The following TMEM108 variants were observed in gnomAD, a reference collection of about 807,000 sequenced individuals.
TMEM108 encodes cancer/testis antigen 124.
TMEM108 carries 12 observed loss-of-function variants against 35.1 expected under a neutral mutation model. The observed-to-expected ratio is 0.34, with a 90% CI of 0.22 to 0.55. The LOEUF (loss-of-function observed/expected upper bound fraction) is 0.55. TMEM108 is among the 20% of genes least tolerant of loss of function. The pLI, the probability that TMEM108 is intolerant of heterozygous loss-of-function variation, is 0.89. For synonymous variants in TMEM108, 287 were observed against 308.6 expected, an observed-to-expected ratio of 0.93 and a Z score of 0.73; for missense variants, 680 against 753.3, an observed-to-expected ratio of 0.90 and a Z score of 1.14.
In TMEM108 at chr3:133,130,159, T is replaced by A. The variant is rs1026996065; in HGVS notation, c.-47+84139T>A. ...TGCTATCATTTTGGTTTTTAAGAAA[T>A]CCTGTTGTTTGGGCTTGTGGTTCTG... is the stretch of plus-strand genomic sequence containing the variant. On this transcript the variant is annotated intron_variant, in intron 2 of 5. Transcript: ENST00000321871. 1.5e-4 allele frequency among the ~76,000 whole-genome samples: 23 copies of A among 152,066 alleles called. 1 individual carries two copies. The highest frequency in any genetic ancestry group is 2.9e-5 in the Non-Finnish European group (2 of 68,036).
chr3:133,318,924 A>AAAAAAAC (rs779043378), intron 3 of TMEM108, among the ~76,000 whole-genome samples: 1 of 151,680 alleles, frequency 6.6e-6, no homozygotes, highest in Non-Finnish European at 1.5e-5. Context: ...GATAGGCAAA[A>AAAAAAAC]AAAAAAACTC....
intron 2 of TMEM108, among the ~76,000 whole-genome samples, chr3:133,158,336 C>T (rs752809918): frequency 6.6e-5 from 10 of 151,888 alleles, no homozygotes; most frequent in Non-Finnish European, 1.2e-4. Flanking sequence ...GGCATGGTGG[C>T]ATGTGCCTGT....
At chr3:133,386,188 A>G (rs1055619454) in intron 4 of TMEM108, among the ~76,000 whole-genome samples, 1 of 152,190 alleles carries the variant, frequency 6.6e-6, no homozygotes, top group African/African-American at 2.4e-5. Context: ...CATGGCTGCA[A>G]CCTCGAAGAC....
At chr3:133,253,068 T>C (rs72976171) in intron 3 of TMEM108, among the ~76,000 whole-genome samples, 3,650 of 152,246 alleles carry the variant, frequency 0.024, 162 homozygotes, top group African/African-American at 0.082. Flanking sequence ...TACATGCAAA[T>C]ACAATGGCAT....
At chr3:133,191,570 C>T (rs569006052) in intron 2 of TMEM108, among the ~76,000 whole-genome samples, 1 of 152,150 alleles carries the variant, frequency 6.6e-6, no homozygotes, top group Admixed American at 6.5e-5. Flanking sequence ...CTGAGACCCA[C>T]GCAGATGATA....
At chr3:133,238,382 G>C (rs1946268780) in intron 3 of TMEM108, among the ~76,000 whole-genome samples, 2 of 152,146 alleles carry the variant, frequency 1.3e-5, no homozygotes, top group South Asian at 2.1e-4. Context: ...GATGCTAGTA[G>C]TTTTAAGAGC....
chr3:133,319,028 A>G (rs1429195639), intron 3 of TMEM108, among the ~76,000 whole-genome samples: 1 of 151,718 alleles, frequency 6.6e-6, no homozygotes. Context: ...AGTGGGAGAG[A>G]GATTGGCCTC....
At chr3:133,370,149 T>C (rs1190799615) in intron 3 of TMEM108, among the ~76,000 whole-genome samples, 1 of 149,888 alleles carries the variant, frequency 6.7e-6, no homozygotes, top group East Asian at 1.9e-4. Context: ...GACTCCCTTT[T>C]TTTTTTTTTT....
At chr3:133,136,195 A>G (rs938870221) in intron 2 of TMEM108, among the ~76,000 whole-genome samples, 5 of 152,086 alleles carry the variant, frequency 3.3e-5, no homozygotes, top group Non-Finnish European at 5.9e-5. Context: ...TGTTTTGCAA[A>G]ATTATTGCTT....
chr3:133,175,069 G>A (rs1945196303), intron 2 of TMEM108, among the ~76,000 whole-genome samples: 1 of 152,128 alleles, frequency 6.6e-6, no homozygotes, highest in Non-Finnish European at 1.5e-5. Flanking sequence ...TGGAAGAAAG[G>A]GTATCAGTGA....
At chr3:133,211,994 AT>A (rs980826968) in intron 2 of TMEM108, among the ~76,000 whole-genome samples, 1 of 152,076 alleles carries the variant, frequency 6.6e-6, no homozygotes, top group Admixed American at 6.6e-5. Context: ...TACAGGTGGG[AT>A]TTTTTTCCCC....
rs1030377350 is a variant in TMEM108, at chr3:133,393,569, A to G, written c.1606-2295A>G. Among the ~76,000 whole-genome samples, 21 of 152,226 alleles carry G rather than the reference A, an allele frequency of 1.4e-4. 1 individual carries two copies. ...CAGTAAATGCCCAAGAAAAATTTTT[A>G]AGCAGAGGACAAACGAGGGGCCAGC... On this transcript the variant is annotated intron_variant, in intron 5 of 5. Coordinates refer to ENST00000321871, the MANE Select transcript of TMEM108 (RefSeq NM_023943.4).
intron 4 of TMEM108, among the ~76,000 whole-genome samples, chr3:133,385,362 C>G (rs2073121237): frequency 6.6e-6 from 1 of 152,176 alleles, no homozygotes; most frequent in Non-Finnish European, 1.5e-5. Context: ...TGCATCCCAG[C>G]CAGCACCTCC....
chr3:133,279,100 G>A (rs1457795038), intron 3 of TMEM108, among the ~76,000 whole-genome samples: 1 of 152,176 alleles, frequency 6.6e-6, no homozygotes, highest in Admixed American at 6.5e-5. Context: ...AGTGTATCTT[G>A]TGAGGGTTGG....
At chr3:133,041,304 TG>T (rs1943273043) in intron 1 of TMEM108, among the ~76,000 whole-genome samples, 2 of 152,112 alleles carry the variant, frequency 1.3e-5, no homozygotes, top group African/African-American at 2.4e-5. Context: ...GTAATGTGCT[TG>T]AGAAAAGAAG....
chr3:133,208,146 G>A (rs1945785405), intron 2 of TMEM108, among the ~76,000 whole-genome samples: 1 of 152,156 alleles, frequency 6.6e-6, no homozygotes, highest in Non-Finnish European at 1.5e-5. Flanking sequence ...ATCCTGGAGA[G>A]CTTGTTGAAG....
rs1392062709 is a variant in TMEM108, at chr3:133,395,856, C to T, written c.1606-8C>T. On this transcript the variant is annotated splice_region_variant and splice_polypyrimidine_tract_variant and intron_variant, in intron 5 of 5. Transcript: ENST00000321871. ...AGCTCACTCCATCTCCTCCCTCTCTCTTCCCAGGACCAGCTCTCAGAGCCC... is the reference window on the plus strand; with the variant it reads ...AGCTCACTCCATCTCCTCCCTCTCTTTTCCCAGGACCAGCTCTCAGAGCCC... The T allele has an allele frequency of 6.4e-7, 1 of 1,572,812 alleles. No homozygotes were observed. The highest frequency in any genetic ancestry group is 2.4e-5 in the East Asian group (1 of 42,466).
intron 2 of TMEM108, among the ~76,000 whole-genome samples, chr3:133,134,788 G>A (rs973949008): frequency 3.3e-5 from 5 of 151,650 alleles, no homozygotes; most frequent in African/African-American, 7.3e-5. Flanking sequence ...CAACCTCCCC[G>A]CTTCTGAGTC....
intron 3 of TMEM108, among the ~76,000 whole-genome samples, chr3:133,368,815 G>T (rs1156439467): frequency 6.6e-6 from 1 of 152,130 alleles, no homozygotes; most frequent in Non-Finnish European, 1.5e-5. Context: ...GTATTATTGT[G>T]CTCTTATGAT....
Sources: gnomAD v4.1 joint callset for allele counts (sites outside exome capture counted in the v4.1 genomes callset) on GRCh38, gnomAD v4.1.1 for gene constraint, MANE v1.5 for transcripts, NCBI Gene and HGNC (gene_info 2026-07-23, HGNC 2026-07-21) for gene names.